Variants in MAP3K1 observed in about 807,000 individuals in gnomAD.
The protein encoded by MAP3K1 is mitogen-activated protein kinase kinase kinase 1.
Under a neutral mutation model 144.2 loss-of-function variants are expected in MAP3K1, and 36 were observed. The ratio of observed to expected loss-of-function variants is 0.25; its 90% CI spans 0.19 to 0.33. The LOEUF (loss-of-function observed/expected upper bound fraction) is 0.33, where lower values mean the gene tolerates loss of function less well. Ranked by LOEUF, MAP3K1 falls within the 10% of genes least tolerant of loss-of-function variation. The probability of loss-of-function intolerance (pLI) is 1.00; values close to 1 mark genes in which losing one functional copy is unlikely to be tolerated. For synonymous variants in MAP3K1, 718 were observed against 688.7 expected, an observed-to-expected ratio of 1.04 and a Z score of -0.67; for missense variants, 1,650 against 1,881.9, an observed-to-expected ratio of 0.88 and a Z score of 2.28.
intron 3 of MAP3K1, among the ~76,000 whole-genome samples, chr5:56,864,316 A>G (rs1335088043): frequency 6.6e-6 from 1 of 151,156 alleles, no homozygotes; most frequent in Non-Finnish European, 1.5e-5. Flanking sequence ...TAAATCTGAC[A>G]TTTTTTCAGA....
intron 1 of MAP3K1, among the ~76,000 whole-genome samples, chr5:56,855,585 G>T (rs1177243778): frequency 6.6e-6 from 1 of 151,958 alleles, no homozygotes; most frequent in African/African-American, 2.4e-5. Context: ...TCTTCCTTTG[G>T]CTGATTCTCT....
At chr5:56,827,128 T>C (rs765881462) in intron 1 of MAP3K1, among the ~76,000 whole-genome samples, 1 of 152,126 alleles carries the variant, frequency 6.6e-6, no homozygotes, top group East Asian at 1.9e-4. Context: ...TAGGATGGCA[T>C]GGAGGACTGC....
intron 1 of MAP3K1, among the ~76,000 whole-genome samples, chr5:56,847,323 G>A (rs538048490): frequency 4.6e-5 from 7 of 152,362 alleles, no homozygotes; most frequent in South Asian, 2.1e-4. Flanking sequence ...TTGGTCGGGC[G>A]TGGTGGCTCA....
rs746375589 is a variant in MAP3K1, at chr5:56,875,200, A to C, written c.1855A>C (p.Thr619Pro). 6.2e-7 allele frequency: 1 copy of C among 1,614,146 alleles called. No individual in the cohort carries two copies. Among genetic ancestry groups the C allele is most frequent in the Non-Finnish European group, 8.5e-7 (1 of 1,180,022 alleles). Residue 619 changes from threonine (T) to proline (P), a missense_variant, in exon 10 of 20, where the codon ACC (threonine) becomes CCC (proline). Around this residue, in one of 6 missense-constraint regions of MAP3K1, gnomAD observed 841 missense variants for 886.5 expected, o/e 0.95. Transcript: ENST00000399503. ...TGGAAGCAGCCCGAGTGGGGGAGCC[A>C]CCAGTGGGTCTTCCCAGACCAGTAT... ...SSGSSPSGGA[T>P]SGSSQTSISG...
intron 11 of MAP3K1, among the ~76,000 whole-genome samples, chr5:56,880,328 G>T (rs1182619497): frequency 1.3e-5 from 2 of 152,124 alleles, no homozygotes; most frequent in Non-Finnish European, 2.9e-5. Context: ...GAAATGGAGG[G>T]TTTTTGGATA....
chr5:56,857,767 G>C (rs959923485), intron 2 of MAP3K1, among the ~76,000 whole-genome samples: 1 of 152,172 alleles, frequency 6.6e-6, no homozygotes, highest in African/African-American at 2.4e-5. Flanking sequence ...TAGATGTGTA[G>C]TACTGACTCG....
At chr5:56,844,691 A>T (rs749689498) in intron 1 of MAP3K1, among the ~76,000 whole-genome samples, 1 of 152,180 alleles carries the variant, frequency 6.6e-6, no homozygotes, top group Non-Finnish European at 1.5e-5. Context: ...AGCAGAGTTG[A>T]CATTGTGTTT....
chr5:56,868,515 G>T (rs1747747800), intron 6 of MAP3K1, among the ~76,000 whole-genome samples: 2 of 152,176 alleles, frequency 1.3e-5, no homozygotes, highest in South Asian at 2.1e-4. Flanking sequence ...CTCCCGAGTA[G>T]CTGGGATTAC....
intron 2 of MAP3K1, among the ~76,000 whole-genome samples, 195 bp downstream of exon 2, chr5:56,856,945 C>T (rs909011894): frequency 6.6e-6 from 1 of 152,172 alleles, no homozygotes; most frequent in African/African-American, 2.4e-5. Context: ...ATTCTGGGAA[C>T]TTAACTGTTG....
At chr5:56,847,781 C>T (rs1442351867) in intron 1 of MAP3K1, among the ~76,000 whole-genome samples, 1 of 152,106 alleles carries the variant, frequency 6.6e-6, no homozygotes. Context: ...ATAATGTATT[C>T]TCTGCTCATA....
At chr5:56,890,960 C>T (rs752858945) in intron 19 of MAP3K1, among the ~76,000 whole-genome samples, 4 of 151,938 alleles carry the variant, frequency 2.6e-5, no homozygotes, top group South Asian at 2.1e-4. Context: ...GTGGGAGGAT[C>T]GCTTGAGCCC....
At chr5:56,879,793 A>G (rs1748151266) in intron 11 of MAP3K1, among the ~76,000 whole-genome samples, 1 of 152,214 alleles carries the variant, frequency 6.6e-6, no homozygotes, top group South Asian at 2.1e-4. Context: ...GCTACTGTGA[A>G]CAGTTATTTG....
Position 56,879,010 on chromosome 5 carries a change from C to G in MAP3K1, c.1996C>G (p.Pro666Ala). The G allele has an allele frequency of 1.2e-6, 2 of 1,613,894 alleles. No individual in the cohort carries two copies. The highest frequency in any genetic ancestry group is 1.7e-6 in the Non-Finnish European group (2 of 1,179,858). Reference sequence around the variant, plus strand: ...ATTGAGAGCCATGCTGGTATATACTCCTTGCCACAGTTTAGCGGAAAGAAT... The same window carrying G: ...ATTGAGAGCCATGCTGGTATATACTGCTTGCCACAGTTTAGCGGAAAGAAT... ...KTLRAMLVYT[P>A]CHSLAERIKL... The change falls in exon 11 of 20, where the codon CCT becomes GCT. Residue 666 changes from proline to alanine, a missense_variant. By Grantham distance (27) the Pro-to-Ala change is conservative (BLOSUM62 -1). Coordinates refer to ENST00000399503, the MANE Select transcript of MAP3K1 (RefSeq NM_005921.2).
At chr5:56,888,452 G>A in intron 19 of MAP3K1, 95 bp downstream of exon 19, 1 of 1,049,938 alleles carries the variant, frequency 9.5e-7, no homozygotes. Flanking sequence ...TAACAATCTA[G>A]CATGAAGGTA....
chr5:56,857,294 A>G (rs962454972), intron 2 of MAP3K1, among the ~76,000 whole-genome samples: 2 of 152,128 alleles, frequency 1.3e-5, no homozygotes, highest in Non-Finnish European at 2.9e-5. Flanking sequence ...AGATAAATTA[A>G]AAATGTGTGG....
chr5:56,865,640 AAAAC>A (rs1166323262), intron 5 of MAP3K1, among the ~76,000 whole-genome samples, 184 bp downstream of exon 5: 1 of 152,216 alleles, frequency 6.6e-6, no homozygotes, highest in Non-Finnish European at 1.5e-5. Flanking sequence ...TAGCTTGAAA[AAAAC>A]AAACACTGAC....
intron 1 of MAP3K1, among the ~76,000 whole-genome samples, chr5:56,836,303 C>G (rs1346797351): frequency 8.3e-6 from 1 of 120,766 alleles, no homozygotes; most frequent in Non-Finnish European, 1.8e-5. Context: ...CATATTTCAA[C>G]TTGGTCAGCA....
intron 10 of MAP3K1, among the ~76,000 whole-genome samples, chr5:56,878,017 T>C (rs1266396979): frequency 6.6e-6 from 1 of 152,226 alleles, no homozygotes; most frequent in Non-Finnish European, 1.5e-5. Flanking sequence ...GACAGGCCTT[T>C]CTTAGTGCAT....
At position 56,894,288 on chromosome 5, in the gene MAP3K1, T is replaced by TGG. The variant is rs2111977070; in HGVS notation, c.*609_*610dup. 1 of 233,108 alleles carries TGG rather than the reference T, an allele frequency of 4.3e-6. No homozygotes were observed. The highest frequency in any genetic ancestry group is 6.1e-5 in the East Asian group (1 of 16,488). 14.4% of individuals were successfully genotyped at this position (233,108 alleles called of 1,614,324 possible). A position where few individuals can be genotyped will look rare whatever the true frequency, so the allele number is the denominator to read the frequency against. On this transcript the variant is annotated 3_prime_UTR_variant, in exon 20 of 20. Transcript: ENST00000399503. ...ACTGTTGGCCCATTCATTTCGTTTTTGGAAATTATGGTTTTGTATTTTCAT... is the reference window on the plus strand; with the variant it reads ...ACTGTTGGCCCATTCATTTCGTTTTTGGGGAAATTATGGTTTTGTATTTTCAT...
Sources: allele counts gnomAD v4.1 joint callset (sites outside exome capture counted in the v4.1 genomes callset), GRCh38; gene constraint gnomAD v4.1.1; regional missense constraint gnomAD v4.1.1; transcripts MANE v1.5; gene names NCBI Gene and HGNC (gene_info 2026-07-23, HGNC 2026-07-21).